Variants in RSAD2 observed in about 807,000 individuals in gnomAD.
RSAD2 encodes the protein S-adenosylmethionine-dependent nucleotide dehydratase RSAD2.
RSAD2 carries 38 observed loss-of-function variants against 37.7 expected under a neutral mutation model. The observed-to-expected ratio is 1.01, with a 90% CI of 0.78 to 1.32. The LOEUF is 1.32. Ranked by LOEUF, RSAD2 falls within the 40% of genes most tolerant of loss-of-function variation. The probability of loss-of-function intolerance (pLI) is 0.00; values close to 1 mark genes in which losing one functional copy is unlikely to be tolerated. For missense variants in RSAD2, 428 were observed against 437.5 expected, an observed-to-expected ratio of 0.98 and a Z score of 0.19; for synonymous variants, 163 against 157.4, an observed-to-expected ratio of 1.04 and a Z score of -0.27.
intron 2 of RSAD2, 79 bp downstream of exon 2, chr2:6,883,611 G>A: frequency 6.6e-7 from 1 of 1,523,694 alleles, no homozygotes; most frequent in Non-Finnish European, 9.0e-7. Context: ...TCCCTCCTGG[G>A]CCTTCAGCCA....
At position 6,891,101 on chromosome 2, in the gene RSAD2, A is replaced by G. The variant is rs1327740242; in HGVS notation, c.888+776A>G. On this transcript the variant is annotated intron_variant, in intron 4 of 5. Coordinates refer to ENST00000382040, the MANE Select transcript of RSAD2 (RefSeq NM_080657.5). ...AACATGATATACTGAATTGTATAAA[A>G]TAAAGTATTATATATAAAGTTATTT... Among the ~76,000 whole-genome samples, 4 of 152,168 alleles carry G rather than the reference A, an allele frequency of 2.6e-5. No individual in the cohort carries two copies. The East Asian group carries it at 5.8e-4, about 22-fold the overall frequency.
intron 5 of RSAD2, among the ~76,000 whole-genome samples, chr2:6,895,341 C>A (rs773888816): frequency 3.3e-5 from 5 of 152,224 alleles, no homozygotes; most frequent in Non-Finnish European, 7.3e-5. Context: ...CGGATGCATG[C>A]ACATCATTAC....
exon 1 of RSAD2, chr2:6,865,923 G>A (rs1312663554): frequency 2.2e-6 from 3 of 1,394,908 alleles, no homozygotes; most frequent in Admixed American, 5.4e-5. Flanking sequence ...ATAAACGGCC[G>A]GCGCTCGGGA....
intron 3 of RSAD2, among the ~76,000 whole-genome samples, chr2:6,889,797 C>G (rs1266854842): frequency 1.3e-5 from 2 of 152,148 alleles, no homozygotes; most frequent in South Asian, 2.1e-4. Context: ...TATTAAAAAT[C>G]AGCAGAGAAA....
intron 1 of RSAD2, among the ~76,000 whole-genome samples, chr2:6,881,082 A>G (rs768133666): frequency 6.6e-6 from 1 of 152,078 alleles, no homozygotes; most frequent in Admixed American, 6.6e-5. Context: ...TTATTCTTCC[A>G]TCCCTTCTAA....
At chr2:6,866,088 C>G in intron 1 of RSAD2, 1 of 256,738 alleles carries the variant, frequency 3.9e-6, no homozygotes, top group Non-Finnish European at 7.6e-6. Context: ...GGCCCCGACC[C>G]TGGTTTGAGT....
At chr2:6,869,673 C>A (rs1224269923) in intron 1 of RSAD2, among the ~76,000 whole-genome samples, 1 of 152,144 alleles carries the variant, frequency 6.6e-6, no homozygotes, top group Non-Finnish European at 1.5e-5. Flanking sequence ...AAAAAATATT[C>A]AAATGGCTAA....
chr2:6,891,952 A>G (rs575263746), intron 4 of RSAD2, among the ~76,000 whole-genome samples: 1 of 152,320 alleles, frequency 6.6e-6, no homozygotes, highest in Admixed American at 6.5e-5. Flanking sequence ...TACAGATAAA[A>G]AACAGTATGC....
chr2:6,873,720 C>A (rs1014689982), upstream of RSAD2, among the ~76,000 whole-genome samples: 1 of 152,152 alleles, frequency 6.6e-6, no homozygotes, highest in African/African-American at 2.4e-5. Flanking sequence ...CTTTTGACAT[C>A]TTTGGCAGGT....
chr2:6,879,021 T>A (rs779863229), intron 1 of RSAD2: 2 of 463,522 alleles, frequency 4.3e-6, no homozygotes, highest in African/African-American at 4.0e-5. Context: ...AAGTGCATGC[T>A]GCACTCCAGC....
intron 3 of RSAD2, among the ~76,000 whole-genome samples, chr2:6,889,374 A>T (rs559693005): frequency 6.4e-4 from 97 of 152,358 alleles, no homozygotes; most frequent in African/African-American, 2.3e-3. Flanking sequence ...CCGAGAAGCA[A>T]AAAAGAAGAG....
At chr2:6,869,397 A>T (rs76432641) in intron 1 of RSAD2, among the ~76,000 whole-genome samples, 2 of 138,864 alleles carry the variant, frequency 1.4e-5, no homozygotes, top group Non-Finnish European at 3.2e-5. Context: ...GAAAAAAAAA[A>T]TTTCCAAGAT....
rs148366293 is a variant in RSAD2, at chr2:6,894,167, T to C, written c.921+464T>C. 1.6e-3 allele frequency among the ~76,000 whole-genome samples: 251 copies of C among 152,286 alleles called. 2 individuals carry two copies. The highest frequency in any genetic ancestry group is 5.6e-3 in the African/African-American group (233 of 41,576). Reference sequence around the variant, plus strand: ...TCTGATTGATAAACCTTGGCTTTCCTAAGGAGAGGCTTATGTTTCTGCTCC... The same window carrying C: ...TCTGATTGATAAACCTTGGCTTTCCCAAGGAGAGGCTTATGTTTCTGCTCC... On this transcript the variant is annotated intron_variant, in intron 5 of 5. Coordinates refer to ENST00000382040, the MANE Select transcript of RSAD2 (RefSeq NM_080657.5).
At chr2:6,883,560 T>C in intron 2 of RSAD2, 28 bp downstream of exon 2, 1 of 1,606,976 alleles carries the variant, frequency 6.2e-7, no homozygotes, top group Non-Finnish European at 8.5e-7. Flanking sequence ...GCATTCTTCT[T>C]ATTGCTATTG....
intron 1 of RSAD2, among the ~76,000 whole-genome samples, chr2:6,872,021 T>G (rs554394103): frequency 4.1e-4 from 63 of 152,328 alleles, no homozygotes; most frequent in Non-Finnish European, 8.7e-4. Context: ...ATCATGAAAT[T>G]TTCCAGGCAT....
chr2:6,876,376 A>G (rs1017222628), upstream of RSAD2, among the ~76,000 whole-genome samples: 1 of 152,304 alleles, frequency 6.6e-6, no homozygotes, highest in South Asian at 2.1e-4. Flanking sequence ...CCCCACTAGG[A>G]TCGTGCTGAC....
chr2:6,872,270 T>G (rs1475150750), intron 1 of RSAD2, among the ~76,000 whole-genome samples: 1 of 152,200 alleles, frequency 6.6e-6, no homozygotes, highest in Non-Finnish European at 1.5e-5. Flanking sequence ...AGTTTAGGCT[T>G]ACATACTTTT....
At chr2:6,877,522 C>T (rs375664500), upstream of RSAD2, 8 of 432,734 alleles carry the variant, frequency 1.8e-5, no homozygotes, top group African/African-American at 1.6e-4. Flanking sequence ...TGTGTAACTA[C>T]ATCAAGCTAG....
rs1663604990 is a variant in RSAD2 at position 6,890,333 on chromosome 2, A to G, written c.888+8A>G. On this transcript the variant is annotated splice_region_variant and intron_variant, in intron 4 of 5. Coordinates refer to ENST00000382040, the MANE Select transcript of RSAD2 (RefSeq NM_080657.5). ...CCTGAATCTAACCAGAAGGTTGTAT[A>G]AAGCAAAAGTTGTTTTCTTTGTCAT... The G allele has an allele frequency of 2.5e-6, 4 of 1,613,208 alleles. No individual in the cohort carries two copies. Among genetic ancestry groups the G allele is most frequent in the Non-Finnish European group, 3.4e-6 (4 of 1,179,616 alleles).
Sources: allele counts gnomAD v4.1 joint callset (sites outside exome capture counted in the v4.1 genomes callset), GRCh38; gene constraint gnomAD v4.1.1; transcripts MANE v1.5; gene names NCBI Gene and HGNC (gene_info 2026-07-23, HGNC 2026-07-21).